The following SLC22A13 variants were observed in gnomAD, a reference collection of about 807,000 sequenced individuals.
SLC22A13 encodes organic anion transporter 10.
In SLC22A13, 42 loss-of-function variants were observed where a neutral mutation model predicts 49.1. The ratio of observed to expected loss-of-function variants is 0.85; its 90% CI spans 0.67 to 1.11. SLC22A13 has a LOEUF of 1.11. Among genes scored for constraint, SLC22A13 ranks in the 50% least tolerant of loss-of-function variants. The pLI is 0.00. For missense variants in SLC22A13, 694 were observed against 712.8 expected (o/e 0.97, Z 0.30); for synonymous variants, 282 against 293.1 (o/e 0.96, Z 0.39).
chr3:38,267,127 C>A (rs1703471494), intron 1 of SLC22A13, among the ~76,000 whole-genome samples: 2 of 152,188 alleles, frequency 1.3e-5, no homozygotes, highest in South Asian at 4.1e-4. Flanking sequence ...GGTGGAAAAT[C>A]TGGGATTAAA....
intron 1 of SLC22A13, chr3:38,270,536 T>C (rs964400756): frequency 3.9e-5 from 8 of 207,638 alleles, no homozygotes; most frequent in Admixed American, 3.5e-4. Context: ...AAAAACTGAC[T>C]AGAAATACAT....
At chr3:38,267,562 C>T (rs1486278007) in intron 1 of SLC22A13, among the ~76,000 whole-genome samples, 1 of 152,172 alleles carries the variant, frequency 6.6e-6, no homozygotes, top group African/African-American at 2.4e-5. Context: ...AGATTGCTCA[C>T]AGACTACTCT....
intron 1 of SLC22A13, among the ~76,000 whole-genome samples, chr3:38,273,098 A>G (rs1450871885): frequency 1.3e-5 from 2 of 152,180 alleles, no homozygotes; most frequent in Non-Finnish European, 2.9e-5. Flanking sequence ...GGGAAGCTGG[A>G]GGAGAGCTCA....
chr3:38,275,774 C>T (rs536877556), intron 6 of SLC22A13, 102 bp downstream of exon 6: 1 of 1,481,130 alleles, frequency 6.8e-7, no homozygotes, highest in African/African-American at 1.4e-5. Context: ...GATGGTCTCT[C>T]CCTGGTTGTG....
intron 1 of SLC22A13, among the ~76,000 whole-genome samples, chr3:38,272,842 T>C (rs928857114): frequency 2.6e-5 from 4 of 152,220 alleles, no homozygotes; most frequent in Admixed American, 2.6e-4. Flanking sequence ...TATGTCTTCA[T>C]TTATTCATTC....
intron 6 of SLC22A13, 105 bp downstream of exon 6, chr3:38,275,777 T>A (rs1703573766): frequency 6.8e-7 from 1 of 1,478,010 alleles, no homozygotes; most frequent in African/African-American, 1.4e-5. Context: ...GGTCTCTCCC[T>A]GGTTGTGCCA....
intron 1 of SLC22A13, among the ~76,000 whole-genome samples, chr3:38,269,198 T>A (rs1017904400): frequency 6.6e-6 from 1 of 152,160 alleles, no homozygotes; most frequent in African/African-American, 2.4e-5. Flanking sequence ...CTATGAGCCT[T>A]GTCTTGCAAG....
intron 8 of SLC22A13, among the ~76,000 whole-genome samples, 192 bp from the exon 9 acceptor site, chr3:38,276,720 C>A (rs1486784775): frequency 3.9e-5 from 6 of 152,014 alleles, no homozygotes; most frequent in African/African-American, 1.5e-4. Context: ...ACTTGACAGG[C>A]GAGCAGGGGT....
intron 1 of SLC22A13, 26 bp from the exon 2 acceptor site, chr3:38,274,246 C>T: frequency 1.3e-6 from 2 of 1,560,474 alleles, no homozygotes; most frequent in Middle Eastern, 1.7e-4. Flanking sequence ...AGCCCCTGGA[C>T]TCACATCTGC....
intron 3 of SLC22A13, 47 bp from the exon 4 acceptor site, chr3:38,274,942 A>G (rs1413496390): frequency 6.2e-7 from 1 of 1,600,684 alleles, no homozygotes; most frequent in Non-Finnish European, 8.6e-7. Flanking sequence ...AGTAATGGGG[A>G]GTGAATGGCA....
At position 38,275,927 on chromosome 3, in the gene SLC22A13, G is replaced by A; in HGVS notation, c.1068G>A (p.Gly356=). ...ACTACGGCCTGAGCCTCCAAGTGGG[G>A]GACTTCGGCCTGGACGTCTATCTGA... is the stretch of plus-strand genomic sequence containing the variant. The part of the protein sequence containing the change: ...LGYYGLSLQV[G]DFGLDVYLTQ... The change falls in exon 7 of 10, where the codon GGG becomes GGA. Residue 356 remains glycine (G), a synonymous_variant. Coordinates refer to ENST00000311856, the MANE Select transcript of SLC22A13 (RefSeq NM_004256.4). 6.2e-7 allele frequency: 1 copy of A among 1,614,228 alleles called. No homozygotes were observed. The highest frequency in any genetic ancestry group is 8.5e-7 in the Non-Finnish European group (1 of 1,180,030).
chr3:38,275,089 T>C lies in SLC22A13; in HGVS notation c.738T>C (p.Gly246=), dbSNP rs960503785. The C allele has an allele frequency of 6.2e-7, 1 of 1,614,050 alleles. No individual in the cohort carries two copies. Among genetic ancestry groups the C allele is most frequent in the African/African-American group, 1.3e-5 (1 of 74,932 alleles). The change falls in exon 4 of 10, where the codon GGT becomes GGC. Residue 246 remains glycine (G), a synonymous_variant. Transcript: ENST00000311856. The stretch of plus-strand genomic sequence containing the variant: ...TGGTGCTTGCGGGACTCGCCTACGG[T>C]TTCCGCAACTGGAGGCTCCTTCAGA... ...GQMVLAGLAY[G]FRNWRLLQIT...
rs1458081768 is a variant in SLC22A13 at position 38,277,013 on chromosome 3, T to C, written c.1448T>C (p.Leu483Pro). Reference protein sequence around the residue: ...LGEYHAALPMLIYGSLPIVAG... With the variant: ...LGEYHAALPMPIYGSLPIVAG... ...GAGTACCACGCTGCCCTCCCCATGC[T>C]CATCTACGGCAGCCTCCCCATCGTG... is the stretch of plus-strand genomic sequence containing the variant. Residue 483 changes from leucine (L) to proline (P), a missense_variant, in exon 9 of 10, where the codon CTC (leucine) becomes CCC (proline). Transcript: ENST00000311856. The C allele has an allele frequency of 6.2e-7, 1 of 1,610,002 alleles. No homozygotes were observed. Among genetic ancestry groups the C allele is most frequent in the Non-Finnish European group, 8.5e-7 (1 of 1,178,320 alleles).
chr3:38,268,512 C>T (rs747690205), intron 1 of SLC22A13, among the ~76,000 whole-genome samples: 7 of 152,192 alleles, frequency 4.6e-5, no homozygotes, highest in Non-Finnish European at 1.0e-4. Context: ...TTATGCTAAG[C>T]ATATGAGAGA....
rs377045280 is a variant in SLC22A13, at chr3:38,274,656, G to A, written c.535G>A (p.Gly179Ser). Residue 179 changes from glycine to serine, a missense_variant, in exon 3 of 10, where the codon GGC becomes AGC. Transcript: ENST00000311856. ...GCAGCTGCTCCTCTTCACCCTCATC[G>A]GCCTGGCCACAGCTTTTGTGCCCAG... ...LAQLLLFTLI[G>S]LATAFVPSFE... 30 of 1,614,020 alleles carry A rather than the reference G, an allele frequency of 1.9e-5. No homozygotes were observed. The highest frequency in any genetic ancestry group is 1.0e-4 in the Admixed American group (6 of 60,012).
chr3:38,274,485 C>T (rs1703554018), intron 2 of SLC22A13, 110 bp downstream of exon 2: 1 of 1,446,516 alleles, frequency 6.9e-7, no homozygotes. Context: ...GCCCTCTTCC[C>T]CCTACCCTCA....
At chr3:38,273,730 C>G (rs183472532) in intron 1 of SLC22A13, among the ~76,000 whole-genome samples, 30 of 152,296 alleles carry the variant, frequency 2.0e-4, no homozygotes, top group African/African-American at 7.2e-4. Flanking sequence ...TAAGTTCAAA[C>G]AAGTGTTTAT....
chr3:38,265,845 G>A lies in SLC22A13; in HGVS notation c.-16G>A. On this transcript the variant is annotated 5_prime_UTR_variant, in exon 1 of 10. Coordinates refer to ENST00000311856, the MANE Select transcript of SLC22A13 (RefSeq NM_004256.4). ...ACCCTAGTGTCCCCAGGCTGAGGAG[G>A]TAGTGACTGGCATACATGGCTCAGT... 6.2e-7 allele frequency: 1 copy of A among 1,612,854 alleles called. No homozygotes were observed.
chr3:38,275,036 G>T lies in SLC22A13; in HGVS notation c.685G>T (p.Ala229Ser). ...PSWRTQAVVL[A>S]QCNFSLGQMV... ...ATGGAGGACGCAGGCCGTGGTCCTG[G>T]CCCAGTGCAACTTCTCCCTCGGGCA... is the stretch of plus-strand genomic sequence containing the variant. Residue 229 changes from alanine (A) to serine (S), a missense_variant, in exon 4 of 10, where the codon GCC (alanine) becomes TCC (serine). Ala to Ser is a moderately conservative substitution (Grantham distance 99, BLOSUM62 1). Transcript: ENST00000311856. 1 of 1,614,232 alleles carries T rather than the reference G, an allele frequency of 6.2e-7. No homozygotes were observed.
Sources: gnomAD v4.1 joint callset for allele counts (sites outside exome capture counted in the v4.1 genomes callset) on GRCh38, gnomAD v4.1.1 for gene constraint, MANE v1.5 for transcripts, NCBI Gene and HGNC (gene_info 2026-07-23, HGNC 2026-07-21) for gene names.